The following PRDM16 variants were observed in gnomAD, a reference collection of about 807,000 sequenced individuals.
PRDM16 encodes PR/SET domain 16, also known as histone-lysine N-methyltransferase PRDM16.
A neutral mutation model predicts 110.6 loss-of-function variants in PRDM16; 23 were observed. That is an observed-to-expected ratio of 0.21 (90% CI 0.15 to 0.29). PRDM16 has a LOEUF of 0.29. Ranked by LOEUF, PRDM16 falls within the 10% of genes least tolerant of loss-of-function variation. PRDM16 has a pLI of 1.00. For missense variants in PRDM16, 1,615 were observed against 1,794.3 expected (o/e 0.90, Z 1.81); for synonymous variants, 799 against 781.8 (o/e 1.02, Z -0.37).
intron 2 of PRDM16, among the ~76,000 whole-genome samples, chr1:3,196,310 C>T (rs991732657): frequency 2.6e-5 from 4 of 152,250 alleles, no homozygotes; most frequent in African/African-American, 9.6e-5. Context: ...TCTGCAGGTC[C>T]CTGACCCAGC....
intron 3 of PRDM16, among the ~76,000 whole-genome samples, chr1:3,367,725 C>T (rs184096319): frequency 8.5e-5 from 13 of 152,338 alleles, no homozygotes; most frequent in Admixed American, 7.2e-4. Flanking sequence ...AAAGCACTTA[C>T]ACTTCTGAAT....
intron 1 of PRDM16, among the ~76,000 whole-genome samples, chr1:3,079,407 C>CG (rs1641970978): frequency 6.6e-6 from 1 of 152,190 alleles, no homozygotes; most frequent in Admixed American, 6.5e-5. Context: ...AGGGATCCTG[C>CG]GGTTGCAGGG....
Position 3,166,850 on chromosome 1 carries a change from G to T in PRDM16, c.38-19275G>T, listed in dbSNP as rs114149055. ...CATGAAGCTCACTGTGTCTGGCGCT[G>T]GCCGTGCACCCTGGTTCAATTGCTC... is the stretch of plus-strand genomic sequence containing the variant. On this transcript the variant is annotated intron_variant, in intron 1 of 16. Coordinates refer to ENST00000270722, the MANE Select transcript of PRDM16 (RefSeq NM_022114.4). 3.7e-3 allele frequency among the ~76,000 whole-genome samples: 557 copies of T among 152,326 alleles called. 3 individuals are homozygous for T. Among genetic ancestry groups the T allele is most frequent in the African/African-American group, 0.012 (518 of 41,580 alleles).
intron 1 of PRDM16, among the ~76,000 whole-genome samples, chr1:3,112,707 C>T (rs1405973348): frequency 6.9e-4 from 105 of 152,250 alleles, no homozygotes; most frequent in Non-Finnish European, 4.4e-5. Context: ...CCACCCCCTG[C>T]AGCCGGGCAG....
chr1:3,108,388 T>C (rs1268757608), intron 1 of PRDM16, among the ~76,000 whole-genome samples: 1 of 152,202 alleles, frequency 6.6e-6, no homozygotes, highest in Non-Finnish European at 1.5e-5. Flanking sequence ...CCCAGCCTGG[T>C]CTATGTAGGG....
At chr1:3,118,428 C>T (rs1643018635) in intron 1 of PRDM16, among the ~76,000 whole-genome samples, 1 of 152,172 alleles carries the variant, frequency 6.6e-6, no homozygotes, top group Non-Finnish European at 1.5e-5. Flanking sequence ...CTGGACACTC[C>T]CTACCCAGGA....
In PRDM16 at chr1:3,143,577, A is replaced by G. The variant is rs1367535984; in HGVS notation, c.38-42548A>G. 6.6e-6 allele frequency among the ~76,000 whole-genome samples: 1 copy of G among 152,112 alleles called. No individual in the cohort carries two copies. On this transcript the variant is annotated intron_variant, in intron 1 of 16. Coordinates refer to ENST00000270722, the MANE Select transcript of PRDM16 (RefSeq NM_022114.4). This position sits in a 1 kb window ranked among gnomAD's most constrained non-coding sequence, Gnocchi z 4.5. ...ACTGCAGTCTCTGCCTCCCGGGTTC[A>G]AGGATTCTCCTGCCTCAGCCTCCTG...
At chr1:3,377,769 G>A (rs559318140) in intron 3 of PRDM16, among the ~76,000 whole-genome samples, 6 of 152,340 alleles carry the variant, frequency 3.9e-5, no homozygotes, top group East Asian at 1.9e-4. Context: ...GTGTGGAGAC[G>A]TGGGCTGGGC....
intron 2 of PRDM16, among the ~76,000 whole-genome samples, chr1:3,219,919 A>T (rs1329322297): frequency 1.3e-5 from 2 of 152,182 alleles, no homozygotes; most frequent in Non-Finnish European, 2.9e-5. Flanking sequence ...AGCACAGGCC[A>T]TGGACCCAGA....
intron 3 of PRDM16, among the ~76,000 whole-genome samples, chr1:3,291,199 A>G (rs541507561): frequency 3.9e-5 from 6 of 152,216 alleles, no homozygotes; most frequent in South Asian, 2.1e-4. Context: ...TCGGGGTGGC[A>G]ATAACACTGC....
intron 2 of PRDM16, among the ~76,000 whole-genome samples, chr1:3,198,697 G>A (rs371017880): frequency 2.6e-5 from 4 of 152,234 alleles, no homozygotes; most frequent in African/African-American, 4.8e-5. Context: ...TCCCGGCTGC[G>A]CCTCTTGCAC....
chr1:3,316,393 T>G (rs1641601949), intron 3 of PRDM16, among the ~76,000 whole-genome samples: 1 of 152,188 alleles, frequency 6.6e-6, no homozygotes, highest in Non-Finnish European at 1.5e-5. Context: ...CGGTCTCAGT[T>G]GCACACCCAT....
rs1044360619 is a variant in PRDM16, at chr1:3,115,973, C to T, written c.37+46677C>T. Among the ~76,000 whole-genome samples, 41 of 152,154 alleles carry T rather than the reference C, an allele frequency of 2.7e-4. 1 individual carries two copies. The highest frequency in any genetic ancestry group is 2.2e-3 in the Admixed American group (34 of 15,286). On this transcript the variant is annotated intron_variant, in intron 1 of 16. Coordinates refer to ENST00000270722, the MANE Select transcript of PRDM16 (RefSeq NM_022114.4). The stretch of plus-strand genomic sequence containing the variant: ...CTAGGCTGTCCATGCCCCAGCCTCC[C>T]GGGAGGACTCCCAGGCGGCCCCTCC...
Position 3,290,247 on chromosome 1 carries a change from G to A in PRDM16, c.438+46110G>A, listed in dbSNP as rs1355776382. ...TCCAGGCATTTGGAAGTAGACATGG[G>A]AAGGAAGGAGCGACGGGGTGGGAGG... is the stretch of plus-strand genomic sequence containing the variant. On this transcript the variant is annotated intron_variant, in intron 3 of 16. Transcript: ENST00000270722. This position sits in a 1 kb window ranked among gnomAD's most constrained non-coding sequence, Gnocchi z 4.8. Among the ~76,000 whole-genome samples, 3 of 152,188 alleles carry A rather than the reference G, an allele frequency of 2.0e-5. No individual in the cohort carries two copies. Among genetic ancestry groups the A allele is most frequent in the Non-Finnish European group, 4.4e-5 (3 of 68,028 alleles).
intron 1 of PRDM16, among the ~76,000 whole-genome samples, chr1:3,173,368 G>A (rs548442052): frequency 1.3e-5 from 2 of 152,332 alleles, no homozygotes; most frequent in South Asian, 4.1e-4. Flanking sequence ...AGGCGGCGAG[G>A]AAATACAGGA....
intron 3 of PRDM16, among the ~76,000 whole-genome samples, chr1:3,247,309 T>C (rs1249292752): frequency 1.3e-5 from 2 of 152,164 alleles, no homozygotes; most frequent in Non-Finnish European, 2.9e-5. Context: ...GAAAAGGTGG[T>C]ATTTTGTGAG....
At chr1:3,241,094 C>T (rs1219614319) in intron 2 of PRDM16, among the ~76,000 whole-genome samples, 1 of 152,186 alleles carries the variant, frequency 6.6e-6, no homozygotes, top group African/African-American at 2.4e-5. Context: ...GGAGCGCGTC[C>T]CGCCATTTTT....
At chr1:3,207,652 C>T (rs998891942) in intron 2 of PRDM16, 3 of 152,388 alleles carry the variant, frequency 2.0e-5, no homozygotes, top group African/African-American at 7.2e-5. Context: ...GGACGCCGGC[C>T]TTGGCCACGT....
intron 1 of PRDM16, among the ~76,000 whole-genome samples, chr1:3,116,673 C>G (rs140652437): frequency 6.6e-6 from 1 of 152,204 alleles, no homozygotes; most frequent in South Asian, 2.1e-4. Context: ...GGTCTATGCC[C>G]GAGCTCTGGC....
Sources: allele counts gnomAD v4.1 joint callset (sites outside exome capture counted in the v4.1 genomes callset), GRCh38; gene constraint gnomAD v4.1.1; non-coding constraint Gnocchi (gnomAD v3.1); transcripts MANE v1.5; gene names NCBI Gene and HGNC (gene_info 2026-07-23, HGNC 2026-07-21).